Variants in CDON observed in about 807,000 individuals in gnomAD.
CDON encodes the protein cell adhesion associated, oncogene regulated.
Under a neutral mutation model 120.9 loss-of-function variants are expected in CDON, and 73 were observed. That is an observed-to-expected ratio of 0.60 (90% CI 0.50 to 0.73). The LOEUF (loss-of-function observed/expected upper bound fraction) is 0.73. Ranked by LOEUF, CDON falls within the 30% of genes least tolerant of loss-of-function variation. CDON has a pLI of 0.00. For synonymous variants in CDON, 566 were observed against 573.5 expected (o/e 0.99, Z 0.19); for missense variants, 1,470 against 1,587.3 (o/e 0.93, Z 1.26).
At chr11:125,988,067 A>G (rs993112163) in intron 15 of CDON, among the ~76,000 whole-genome samples, 12 of 152,214 alleles carry the variant, frequency 7.9e-5, no homozygotes, top group African/African-American at 2.9e-4. Flanking sequence ...CAGCTCACTC[A>G]ACAGCCTTCT....
intron 1 of CDON, among the ~76,000 whole-genome samples, chr11:126,040,771 T>C (rs1188230914): frequency 5.7e-5 from 7 of 122,358 alleles, no homozygotes; most frequent in African/African-American, 1.6e-4. Context: ...GCCGAGATGG[T>C]GCCACTGCAC....
chr11:126,024,287 T>C (rs552078252), intron 1 of CDON, among the ~76,000 whole-genome samples: 7 of 152,332 alleles, frequency 4.6e-5, no homozygotes, highest in African/African-American at 1.7e-4. Flanking sequence ...TAATGTTATT[T>C]ATGCTTTAAA....
At chr11:125,981,397 C>T in intron 16 of CDON, 68 bp from the exon 17 acceptor site, 1 of 1,486,162 alleles carries the variant, frequency 6.7e-7, no homozygotes, top group Non-Finnish European at 9.2e-7. Context: ...CACATACGCA[C>T]ACACGCATGC....
chr11:125,960,829 T>A lies in CDON; in HGVS notation c.*113A>T. Reference sequence around the variant, plus strand: ...ATATGACATTACTACTACAAAAAAATAAATAATGATTTTCTCTGATTTGAA... The same window carrying A: ...ATATGACATTACTACTACAAAAAAAAAAATAATGATTTTCTCTGATTTGAA... On this transcript the variant is annotated 3_prime_UTR_variant, in exon 20 of 20. Coordinates refer to ENST00000531738, the MANE Select transcript of CDON (RefSeq NM_001378964.1). The A allele has an allele frequency of 9.9e-7, 1 of 1,009,142 alleles. No homozygotes were observed. The highest frequency in any genetic ancestry group is 1.6e-6 in the Non-Finnish European group (1 of 636,242). 62.5% of individuals were successfully genotyped at this position (1,009,142 alleles called of 1,614,324 possible).
At position 125,999,318 on chromosome 11, in the gene CDON, A is replaced by T. The variant is rs74536056; in HGVS notation, c.2159-1908T>A. ...GTCTGCACGGAAAATAATACCTTCC[A>T]TATCTAAAAGAAATAGCATGTGACT... On this transcript the variant is annotated intron_variant, in intron 11 of 19. Coordinates refer to ENST00000531738, the MANE Select transcript of CDON (RefSeq NM_001378964.1). Among the ~76,000 whole-genome samples the T allele has an allele frequency of 6.6e-3, 1,005 of 152,316 alleles. 5 individuals are homozygous for T. Among genetic ancestry groups the T allele is most frequent in the African/African-American group, 0.023 (969 of 41,570 alleles).
intron 17 of CDON, among the ~76,000 whole-genome samples, chr11:125,979,281 C>G (rs1015862582): frequency 2.0e-5 from 3 of 152,142 alleles, no homozygotes; most frequent in African/African-American, 7.2e-5. Flanking sequence ...TAGCCAGAAT[C>G]TAAGCAAACC....
intron 1 of CDON, among the ~76,000 whole-genome samples, chr11:126,047,693 G>T (rs1449482031): frequency 6.6e-6 from 1 of 152,158 alleles, no homozygotes; most frequent in Non-Finnish European, 1.5e-5. Context: ...TAGAGATGGG[G>T]AAATCAAGGC....
rs1340161829 is a variant in CDON at position 125,987,249 on chromosome 11, A to G, written c.2773+2388T>C. Among the ~76,000 whole-genome samples the G allele has an allele frequency of 2.0e-5, 3 of 152,342 alleles. No individual in the cohort carries two copies. The East Asian group carries it at 5.8e-4, about 29-fold the overall frequency. On this transcript the variant is annotated intron_variant, in intron 15 of 19. Transcript: ENST00000531738. ...TTAACACTGATAGGAAGAGACAGCT[A>G]ACAGCCTGAAAAAAGAAAGGTGAGA...
chr11:126,012,313 A>C (rs1345744728), intron 7 of CDON, among the ~76,000 whole-genome samples: 2 of 152,280 alleles, frequency 1.3e-5, no homozygotes, highest in East Asian at 3.9e-4. Context: ...ATCTCTTCCT[A>C]TATAACTGGC....
intron 9 of CDON, 189 bp downstream of exon 9, chr11:126,005,570 A>G (rs538632965): frequency 1.6e-6 from 1 of 621,064 alleles, no homozygotes; most frequent in Admixed American, 2.7e-5. Context: ...GGGGGAAATT[A>G]TACTTCATTC....
In CDON at chr11:125,994,334, C is replaced by G; in HGVS notation, c.2600G>C (p.Arg867Pro). 6.2e-7 allele frequency: 1 copy of G among 1,603,872 alleles called. No individual in the cohort carries two copies. The highest frequency in any genetic ancestry group is 8.5e-7 in the Non-Finnish European group (1 of 1,170,924). The stretch of plus-strand genomic sequence containing the variant: ...ACTGTCATTGTCACTATCTGTTGGT[C>G]GGTAATAGATATAAAATCCTTGAAT... ...TPIQGFYIYY[R>P]PTDSDNDSDY... The change falls in exon 14 of 20, where the codon CGA becomes CCA. Residue 867 changes from arginine to proline, a missense_variant. By Grantham distance (103) the Arg-to-Pro change is moderately radical. Coordinates refer to ENST00000531738, the MANE Select transcript of CDON (RefSeq NM_001378964.1).
chr11:125,978,327 G>T lies in CDON; in HGVS notation c.3333C>A (p.Cys1111Ter). 6.2e-7 allele frequency: 1 copy of T among 1,606,826 alleles called. No individual in the cohort carries two copies. The highest frequency in any genetic ancestry group is 8.5e-7 in the Non-Finnish European group (1 of 1,174,956). The change falls in exon 18 of 20, where the codon TGC becomes TGA. Residue 1111 changes from cysteine (C) to a stop codon, truncating the protein, a stop_gained. Transcript: ENST00000531738. LOFTEE classifies it high-confidence loss of function. Reference protein sequence around the residue: ...PQIDPLECVNCRNCRNNNRCF... With the variant: ...PQIDPLECVN Reference sequence around the variant, plus strand: ...ACCTATTGTTGTTTCGACAATTTCGGCAGTTAACACACTCCAGAGGGTCAA... The same window carrying T: ...ACCTATTGTTGTTTCGACAATTTCGTCAGTTAACACACTCCAGAGGGTCAA...
intron 1 of CDON, among the ~76,000 whole-genome samples, chr11:126,023,846 T>C (rs1030641658): frequency 3.9e-5 from 6 of 152,222 alleles, no homozygotes; most frequent in South Asian, 2.1e-4. Flanking sequence ...CAAAACTCAA[T>C]GCAACCAACA....
rs1946716850 is a variant in CDON at position 125,994,351 on chromosome 11, T to C, written c.2583A>G (p.Gly861=). The C allele has an allele frequency of 6.3e-7, 1 of 1,596,300 alleles. No homozygotes were observed. Among genetic ancestry groups the C allele is most frequent in the African/African-American group, 1.3e-5 (1 of 74,538 alleles). ...CTGTTGGTCGGTAATAGATATAAAATCCTTGAATGGGAGTGTTATTGTTAC... is the reference window on the plus strand; with the variant it reads ...CTGTTGGTCGGTAATAGATATAAAACCCTTGAATGGGAGTGTTATTGTTAC... ...PSSNNNTPIQ[G]FYIYYRPTDS... is the part of the protein sequence containing the mutation. Residue 861 remains glycine, a synonymous_variant, in exon 14 of 20, where the codon GGA becomes GGG. Transcript: ENST00000531738.
At chr11:126,037,105 CTT>C (rs35577601) in intron 1 of CDON, among the ~76,000 whole-genome samples, 5 of 148,076 alleles carry the variant, frequency 3.4e-5, no homozygotes, top group Non-Finnish European at 4.5e-5. Context: ...CATTTTCTTT[CTT>C]TTTTTTTTTG....
chr11:126,056,014 C>T (rs561238473), intron 1 of CDON, among the ~76,000 whole-genome samples: 29 of 152,150 alleles, frequency 1.9e-4, no homozygotes, highest in Non-Finnish European at 4.0e-4. Context: ...AAATCATGTA[C>T]GTGGTGGGTA....
intron 1 of CDON, among the ~76,000 whole-genome samples, chr11:126,027,062 T>C (rs1023005572): frequency 6.6e-6 from 1 of 152,194 alleles, no homozygotes; most frequent in Non-Finnish European, 1.5e-5. Flanking sequence ...ATTAAGTCTA[T>C]CTTTCTATTG....
chr11:125,983,395 TC>T (rs146731094), intron 16 of CDON, among the ~76,000 whole-genome samples: 200 of 152,284 alleles, frequency 1.3e-3, no homozygotes, highest in African/African-American at 4.7e-3. Flanking sequence ...CTTGAGTCCA[TC>T]AGGTACAGAA....
chr11:126,026,031 CAAT>C (rs1947784048), intron 1 of CDON, among the ~76,000 whole-genome samples: 2 of 152,132 alleles, frequency 1.3e-5, no homozygotes, highest in African/African-American at 4.8e-5. Flanking sequence ...TTGAAGGCAA[CAAT>C]GACATCATAT....
Sources: gnomAD v4.1 joint callset for allele counts (sites outside exome capture counted in the v4.1 genomes callset) on GRCh38, gnomAD v4.1.1 for gene constraint, MANE v1.5 for transcripts, NCBI Gene and HGNC (gene_info 2026-07-23, HGNC 2026-07-21) for gene names.